G3BP2: variants seen among roughly 807,000 people sequenced by gnomAD.
G3BP2 encodes the protein ras GTPase-activating protein-binding protein 2.
Under a neutral mutation model 56.7 loss-of-function variants are expected in G3BP2, and 11 were observed. That is an observed-to-expected ratio of 0.19 (90% CI 0.12 to 0.32). G3BP2 has a LOEUF of 0.32. G3BP2 is among the 10% of genes least tolerant of loss of function. The pLI, the probability that G3BP2 is intolerant of heterozygous loss-of-function variation, is 1.00. For missense variants in G3BP2, 340 were observed against 610.9 expected (o/e 0.56, Z 4.67); for synonymous variants, 165 against 191.6 (o/e 0.86, Z 1.15).
intron 3 of G3BP2, among the ~76,000 whole-genome samples, chr4:75,688,724 C>T (rs1355274327): frequency 2.6e-5 from 4 of 152,194 alleles, no homozygotes; most frequent in Non-Finnish European, 5.9e-5. Flanking sequence ...AAAAGAAATT[C>T]CACAGGGAAC....
intron 11 of G3BP2, 79 bp downstream of exon 11, chr4:75,646,259 C>A: frequency 1.4e-6 from 1 of 700,868 alleles, no homozygotes; most frequent in South Asian, 1.7e-5. Context: ...AAAAGATTTT[C>A]TATGGTTTTT....
intron 3 of G3BP2, among the ~76,000 whole-genome samples, chr4:75,709,563 G>C (rs1719679694): frequency 6.6e-6 from 1 of 150,708 alleles, no homozygotes; most frequent in African/African-American, 2.4e-5. Flanking sequence ...AGTGAGCCAT[G>C]ATCATGCCAC....
chr4:75,676,210 C>T (rs1032473407), upstream of G3BP2, among the ~76,000 whole-genome samples: 2 of 152,170 alleles, frequency 1.3e-5, no homozygotes, highest in Admixed American at 1.3e-4. Context: ...CAAACATAGC[C>T]TCCATGAAGC....
At chr4:75,665,613 TCACAAACACACAAACACA>T (rs1732952823) in intron 1 of G3BP2, among the ~76,000 whole-genome samples, 1 of 126,340 alleles carries the variant, frequency 7.9e-6, no homozygotes, top group South Asian at 2.5e-4. Flanking sequence ...ACACCTGTAG[TCACAAACACACAAACACA>T]CACACACACA....
chr4:75,649,889 T>C lies in G3BP2; in HGVS notation c.826-1148A>G, dbSNP rs182020592. 2.9e-4 allele frequency among the ~76,000 whole-genome samples: 44 copies of C among 152,166 alleles called. No individual in the cohort carries two copies. The East Asian group carries it at 8.3e-3, about 29-fold the overall frequency. ...AGCTGGGTGTGGTGGCAGGCACCTG[T>C]AACCCCAGCTACTTGGGAGGCTGAG... On this transcript the variant is annotated intron_variant, in intron 8 of 11. Coordinates refer to ENST00000359707, the MANE Select transcript of G3BP2 (RefSeq NM_203505.3).
chr4:75,722,578 A>C (rs944295446), intron 1 of G3BP2, among the ~76,000 whole-genome samples: 2 of 152,152 alleles, frequency 1.3e-5, no homozygotes, highest in Non-Finnish European at 2.9e-5. Context: ...TTAGGGGCTT[A>C]AGTGAAGTTC....
At chr4:75,690,965 C>T (rs1238957670) in intron 3 of G3BP2, among the ~76,000 whole-genome samples, 1 of 152,202 alleles carries the variant, frequency 6.6e-6, no homozygotes, top group African/African-American at 2.4e-5. Context: ...AACAGGAAAA[C>T]TATTACCTTA....
intron 1 of G3BP2, among the ~76,000 whole-genome samples, chr4:75,668,474 T>C (rs1254683154): frequency 6.6e-6 from 1 of 152,162 alleles, no homozygotes; most frequent in African/African-American, 2.4e-5. Flanking sequence ...ATATAGTGAA[T>C]GGAAATTATA....
chr4:75,723,262 T>C (rs1720251653), intron 1 of G3BP2, among the ~76,000 whole-genome samples: 1 of 152,048 alleles, frequency 6.6e-6, no homozygotes, highest in Non-Finnish European at 1.5e-5. Context: ...ACTAAGGAGT[T>C]TGCACTTTAT....
At chr4:75,667,200 G>C (rs921381265) in intron 1 of G3BP2, among the ~76,000 whole-genome samples, 1 of 151,064 alleles carries the variant, frequency 6.6e-6, no homozygotes, top group African/African-American at 2.4e-5. Flanking sequence ...GAGGTGGGAG[G>C]AATGCCTGAG....
chr4:75,669,815 G>A (rs1225437718), intron 1 of G3BP2, among the ~76,000 whole-genome samples: 2 of 152,168 alleles, frequency 1.3e-5, no homozygotes, highest in South Asian at 2.1e-4. Flanking sequence ...AAAAGAGGCC[G>A]GGTGCAGTGG....
chr4:75,650,109 T>C (rs960207736), intron 8 of G3BP2, among the ~76,000 whole-genome samples: 7 of 152,104 alleles, frequency 4.6e-5, no homozygotes, highest in Non-Finnish European at 7.3e-5. Context: ...ATAACAGATA[T>C]TGTAATTTAC....
At chr4:75,720,924 G>A (rs1720145951) in exon 3 of G3BP2, among the ~76,000 whole-genome samples, 1 of 146,754 alleles carries the variant, frequency 6.8e-6, no homozygotes, top group Non-Finnish European at 1.5e-5. Context: ...ATAGCTTGAG[G>A]CCGGGAGTTT....
At chr4:75,657,393 T>C (rs1348438530) in intron 4 of G3BP2, among the ~76,000 whole-genome samples, 164 bp downstream of exon 4, 1 of 152,222 alleles carries the variant, frequency 6.6e-6, no homozygotes, top group East Asian at 1.9e-4. Flanking sequence ...TAATTCCAAA[T>C]AGTCAAAGCA....
chr4:75,647,145 A>G lies in G3BP2; in HGVS notation c.941T>C (p.Met314Thr), dbSNP rs1318035345. 5.0e-6 allele frequency: 8 copies of G among 1,592,546 alleles called. No individual in the cohort carries two copies. The East Asian group carries it at 6.7e-5, about 13-fold the overall frequency. ...PRGPRPGRGD[M>T]EQNDSDNRRI... is the part of the protein sequence containing the mutation. ...ACGGTTGTCAGAGTCATTCTGTTCCATATCTCCTCTGCCTGAGAATAGAAA... is the reference window on the plus strand; with the variant it reads ...ACGGTTGTCAGAGTCATTCTGTTCCGTATCTCCTCTGCCTGAGAATAGAAA... Residue 314 changes from methionine (M) to threonine (T), a missense_variant, in exon 10 of 12, where the codon ATG becomes ACG. Physicochemically the swap from Met to Thr is moderately conservative, Grantham distance 81. This residue lies in a region of G3BP2 where 224 missense variants were observed against 332.5 expected (regional missense o/e 0.67). Coordinates refer to ENST00000359707, the MANE Select transcript of G3BP2 (RefSeq NM_203505.3).
In G3BP2 at chr4:75,646,412, C is replaced by T; in HGVS notation, c.1102G>A (p.Gly368Arg). ...AAACCAAAATTTGGAAGCTTTCCCC[C>T]AACACCCTTGGTATTGATGCGAAGT... The part of the protein sequence containing the change: ...VELRINTKGV[G>R]GKLPNFGFVV... Residue 368 changes from glycine to arginine, a missense_variant, in exon 11 of 12, where the codon GGG (glycine) becomes AGG (arginine). This residue lies in a region of G3BP2 where 94 missense variants were observed against 173.8 expected (regional missense o/e 0.54). Coordinates refer to ENST00000359707, the MANE Select transcript of G3BP2 (RefSeq NM_203505.3). 6.2e-7 allele frequency: 1 copy of T among 1,609,194 alleles called. No homozygotes were observed. The highest frequency in any genetic ancestry group is 8.5e-7 in the Non-Finnish European group (1 of 1,177,934).
intron 3 of G3BP2, among the ~76,000 whole-genome samples, chr4:75,688,339 G>A (rs530270935): frequency 7.1e-4 from 108 of 152,066 alleles, no homozygotes; most frequent in Non-Finnish European, 1.1e-3. Flanking sequence ...CACCACACCC[G>A]GCCCCCATTA....
intron 3 of G3BP2, among the ~76,000 whole-genome samples, chr4:75,695,364 G>A (rs770849688): frequency 6.6e-6 from 1 of 152,170 alleles, no homozygotes; most frequent in Non-Finnish European, 1.5e-5. Flanking sequence ...TCCTGCACTG[G>A]GCAGGTCTGT....
At chr4:75,715,760 A>G (rs1460690845) in intron 3 of G3BP2, among the ~76,000 whole-genome samples, 1 of 152,230 alleles carries the variant, frequency 6.6e-6, no homozygotes, top group Non-Finnish European at 1.5e-5. Context: ...GTTGATAGCA[A>G]TCACTAATAT....
Sources: allele counts gnomAD v4.1 joint callset (sites outside exome capture counted in the v4.1 genomes callset), GRCh38; gene constraint gnomAD v4.1.1; regional missense constraint gnomAD v4.1.1; transcripts MANE v1.5; gene names NCBI Gene and HGNC (gene_info 2026-07-23, HGNC 2026-07-21).